SGSM2: variants seen among roughly 807,000 people sequenced by gnomAD.
The protein encoded by SGSM2 is RUN and TBC1 domain containing 1.
A neutral mutation model predicts 126.6 loss-of-function variants in SGSM2; 89 were observed. That is an observed-to-expected ratio of 0.70 (90% confidence interval 0.59 to 0.84). SGSM2 has a LOEUF of 0.84. SGSM2 is among the 40% of genes least tolerant of loss of function. The pLI is 0.00. For missense variants in SGSM2, 1,404 were observed against 1,416.6 expected (o/e 0.99, Z 0.14); for synonymous variants, 614 against 574.3 (o/e 1.07, Z -0.99).
rs8067779 is a variant in SGSM2 at position 2,362,619 on chromosome 17, G to C, written c.459-219G>C. Among the ~76,000 whole-genome samples the C allele has an allele frequency of 1.3e-5, 2 of 151,802 alleles. No homozygotes were observed. The highest frequency in any genetic ancestry group is 2.9e-5 in the Non-Finnish European group (2 of 68,000). On this transcript the variant is annotated intron_variant, in intron 4 of 23. Transcript: ENST00000268989. This position sits in a 1 kb window ranked among gnomAD's most constrained non-coding sequence, Gnocchi z 4.9. ...CAGCCCTCAGGATGCTTGCCTGTCCGTGACAGCCTGTAGGCAACCCTCCAT... is the reference window on the plus strand; with the variant it reads ...CAGCCCTCAGGATGCTTGCCTGTCCCTGACAGCCTGTAGGCAACCCTCCAT...
chr17:2,378,349 G>C (rs2066273749), intron 22 of SGSM2, among the ~76,000 whole-genome samples: 1 of 152,150 alleles, frequency 6.6e-6, no homozygotes. Flanking sequence ...GCCAAGGCAA[G>C]CAAATCACTT....
intron 21 of SGSM2, chr17:2,377,335 T>C (rs1043555160): frequency 8.1e-6 from 3 of 368,870 alleles, no homozygotes; most frequent in Admixed American, 4.4e-5. Flanking sequence ...AATACAAAAA[T>C]TAGCCGGGCG....
chr17:2,379,629 C>T lies in SGSM2; in HGVS notation c.*109C>T, dbSNP rs1438518505. ...GCCACCAACCGACCCCACCTCTGTTCCTAACAAAGCGGTTGTGAGCCTGGA... is the reference window on the plus strand; with the variant it reads ...GCCACCAACCGACCCCACCTCTGTTTCTAACAAAGCGGTTGTGAGCCTGGA... On this transcript the variant is annotated 3_prime_UTR_variant, in exon 24 of 24. Transcript: ENST00000268989. 6.0e-6 allele frequency: 9 copies of T among 1,495,410 alleles called. No individual in the cohort carries two copies. The highest frequency in any genetic ancestry group is 8.1e-6 in the Non-Finnish European group (9 of 1,115,880). The allele number at this position is 1,495,410 out of a possible 1,614,324, so 92.6% of individuals were successfully genotyped here. A position where few individuals can be genotyped will look rare whatever the true frequency, so the allele number is the denominator to read the frequency against.
rs1176920140 is a variant in SGSM2 at position 2,373,436 on chromosome 17, A to G, written c.2023A>G (p.Thr675Ala). 6.2e-7 allele frequency: 1 copy of G among 1,611,020 alleles called. No homozygotes were observed. Among genetic ancestry groups the G allele is most frequent in the East Asian group, 2.2e-5 (1 of 44,840 alleles). ...REREAHPATR[T>A]KFSSGSSIDS... ...GCGGGAGGCCCACCCAGCCACACGC[A>G]CCAAGTTCTCCTCAGGCAGCAGCAT... Residue 675 changes from threonine to alanine, a missense_variant, in exon 17 of 24, where the codon ACC (threonine) becomes GCC (alanine). Coordinates refer to ENST00000268989, the MANE Select transcript of SGSM2 (RefSeq NM_014853.3).
intron 17 of SGSM2, chr17:2,373,769 A>G: frequency 2.1e-6 from 1 of 479,928 alleles, no homozygotes; most frequent in Non-Finnish European, 3.7e-6. Context: ...AGATGGACTT[A>G]CTGGGATTTA....
intron 1 of SGSM2, among the ~76,000 whole-genome samples, chr17:2,340,776 G>T (rs1045666172): frequency 2.1e-4 from 32 of 151,768 alleles, no homozygotes; most frequent in African/African-American, 7.5e-4. Context: ...AGTAGAGACG[G>T]GGTTTCACCA....
Position 2,372,291 on chromosome 17 carries a change from G to A in SGSM2, c.1642+37G>A. Reference sequence around the variant, plus strand: ...GCGCGCCGGGCTGTGGCGGGCTGGGGGCGGGCGGCCCTGGGTCCCAGCCTC... The same window carrying A: ...GCGCGCCGGGCTGTGGCGGGCTGGGAGCGGGCGGCCCTGGGTCCCAGCCTC... On this transcript the variant is annotated intron_variant, in intron 14 of 23. Transcript: ENST00000268989. The surrounding 1 kb of genome is among the most constrained non-coding windows in gnomAD (Gnocchi z 6.0). The A allele has an allele frequency of 6.2e-7, 1 of 1,611,394 alleles. No homozygotes were observed. Among genetic ancestry groups the A allele is most frequent in the Non-Finnish European group, 8.5e-7 (1 of 1,178,998 alleles).
At chr17:2,375,985 G>A (rs1225698261) in intron 18 of SGSM2, 110 bp downstream of exon 18, 7 of 1,507,940 alleles carry the variant, frequency 4.6e-6, no homozygotes, top group African/African-American at 4.2e-5. Context: ...GACTGCCCTG[G>A]AAGGGAGTTC....
chr17:2,347,268 G>C (rs774641953), intron 2 of SGSM2, among the ~76,000 whole-genome samples: 1 of 152,058 alleles, frequency 6.6e-6, no homozygotes, highest in South Asian at 2.1e-4. Context: ...ACCACACCTA[G>C]CTAATTTTTG....
chr17:2,360,812 C>T (rs1014286067), intron 2 of SGSM2, among the ~76,000 whole-genome samples: 15 of 152,214 alleles, frequency 9.9e-5, no homozygotes, highest in African/African-American at 2.9e-4. Context: ...GGGCTCGGGC[C>T]GAGGCTTGGA....
At chr17:2,373,306 T>C in intron 16 of SGSM2, 25 bp from the exon 17 acceptor site, 3 of 1,599,382 alleles carry the variant, frequency 1.9e-6, no homozygotes, top group Non-Finnish European at 2.6e-6. Context: ...GCTTCCCCCA[T>C]GGTCGTGGTG....
chr17:2,344,211 GC>G, intron 2 of SGSM2, among the ~76,000 whole-genome samples: 1 of 152,176 alleles, frequency 6.6e-6, no homozygotes, highest in Non-Finnish European at 1.5e-5. Flanking sequence ...GTGTGGCCAA[GC>G]CTTCCAGCCC....
rs143270451 is a variant in SGSM2 at position 2,363,269 on chromosome 17, C to T, written c.672+135C>T. The T allele has an allele frequency of 6.7e-4, 903 of 1,340,410 alleles. 6 individuals are homozygous for T. The African/African-American group carries it at 0.012, about 17-fold the overall frequency. 83.0% of individuals were successfully genotyped at this position (1,340,410 alleles called of 1,614,324 possible). On this transcript the variant is annotated intron_variant, in intron 6 of 23. Coordinates refer to ENST00000268989, the MANE Select transcript of SGSM2 (RefSeq NM_014853.3). The surrounding 1 kb of genome is among the most constrained non-coding windows in gnomAD (Gnocchi z 4.2). ...GCGGCTGCCTCAGAAGAGCCTTCTCCGCACAATAAAACTTAACACAAATGC... is the reference window on the plus strand; with the variant it reads ...GCGGCTGCCTCAGAAGAGCCTTCTCTGCACAATAAAACTTAACACAAATGC...
Position 2,364,202 on chromosome 17 carries a change from A to C in SGSM2, c.932+19A>C, listed in dbSNP as rs1305035640. On this transcript the variant is annotated intron_variant, in intron 8 of 23. Transcript: ENST00000268989. ...AAAAGAGGTGGGGGCTTTGGGACTC[A>C]ATCCCAGGAGCCAGGGCAGGGAGTG... 3 of 1,613,296 alleles carry C rather than the reference A, an allele frequency of 1.9e-6. No individual in the cohort carries two copies. Among genetic ancestry groups the C allele is most frequent in the Non-Finnish European group, 2.5e-6 (3 of 1,179,960 alleles).
In SGSM2 at chr17:2,372,224, A is replaced by G; in HGVS notation, c.1612A>G (p.Arg538Gly). 6.2e-7 allele frequency: 1 copy of G among 1,613,222 alleles called. No individual in the cohort carries two copies. The highest frequency in any genetic ancestry group is 8.5e-7 in the Non-Finnish European group (1 of 1,179,736). The change falls in exon 14 of 24, where the codon AGG becomes GGG. Residue 538 changes from arginine (R) to glycine (G), a missense_variant. Arg to Gly is a moderately radical substitution (Grantham distance 125, BLOSUM62 -2). Transcript: ENST00000268989. The surrounding 1 kb of genome is among the most constrained non-coding windows in gnomAD (Gnocchi z 6.0). The stretch of plus-strand genomic sequence containing the variant: ...CAGGCTACTGTGTGAGAGTATGAAG[A>G]GGCAGATCGTGTCCCGGGCCTTCTA... ...PLRLLCESMK[R>G]QIVSRAFYGW...
Position 2,367,253 on chromosome 17 carries a change from G to A in SGSM2, c.1289-18G>A, listed in dbSNP as rs756048191. The A allele has an allele frequency of 2.4e-5, 39 of 1,607,790 alleles. No homozygotes were observed. Among genetic ancestry groups the A allele is most frequent in the Non-Finnish European group, 2.9e-5 (34 of 1,177,200 alleles). ...TGAGGGCCTCATGCCTCTGCCTCTC[G>A]CTGTTCTCTTTGAGCAGTCACTATT... is the stretch of plus-strand genomic sequence containing the variant. On this transcript the variant is annotated intron_variant, in intron 11 of 23. Transcript: ENST00000268989. This position sits in a 1 kb window ranked among gnomAD's most constrained non-coding sequence, Gnocchi z 4.0.
At chr17:2,339,123 A>G (rs216211) in intron 1 of SGSM2, among the ~76,000 whole-genome samples, 114,401 of 151,616 alleles carry the variant, frequency 0.75, 43,227 homozygotes, top group East Asian at 0.82. Context: ...AAGCGTCTGG[A>G]CTCTCATAAC....
intron 2 of SGSM2, among the ~76,000 whole-genome samples, chr17:2,349,721 T>C (rs2064764399): frequency 6.6e-6 from 1 of 151,948 alleles, no homozygotes; most frequent in Non-Finnish European, 1.5e-5. Context: ...GGGTAATGAG[T>C]ACATGGGCAG....
rs1247684772 is a variant in SGSM2, at chr17:2,379,850, AC to A, written c.*332del. The A allele has an allele frequency of 1.5e-6, 2 of 1,300,346 alleles. No individual in the cohort carries two copies. The highest frequency in any genetic ancestry group is 6.1e-5 in the East Asian group (2 of 32,848). The allele number at this position is 1,300,346 out of a possible 1,614,324, so 80.6% of individuals were successfully genotyped here. A position where few individuals can be genotyped will look rare whatever the true frequency, so the allele number is the denominator to read the frequency against. ...AGCCTGGACTGCTGCCCACGAGTGA[AC>A]CTGGGGCCCCACAGGATTAACAGGG... On this transcript the variant is annotated 3_prime_UTR_variant, in exon 24 of 24. Coordinates refer to ENST00000268989, the MANE Select transcript of SGSM2 (RefSeq NM_014853.3).
Sources: gnomAD v4.1 joint callset for allele counts (sites outside exome capture counted in the v4.1 genomes callset) on GRCh38, gnomAD v4.1.1 for gene constraint, Gnocchi (gnomAD v3.1) non-coding constraint, MANE v1.5 for transcripts, NCBI Gene and HGNC (gene_info 2026-07-23, HGNC 2026-07-21) for gene names.